The following TARS2 variants were observed in gnomAD, a reference collection of about 807,000 sequenced individuals.
TARS2 encodes threonyl-tRNA synthetase 2, mitochondrial.
A neutral mutation model predicts 94.4 loss-of-function variants in TARS2; 61 were observed. The observed-to-expected ratio is 0.65, with a 90% CI of 0.53 to 0.80. TARS2 has a LOEUF of 0.80. Ranked by LOEUF, TARS2 falls within the 30% of genes least tolerant of loss-of-function variation. The pLI, the probability that TARS2 is intolerant of heterozygous loss-of-function variation, is 0.00. For synonymous variants in TARS2, 359 were observed against 353.4 expected, an observed-to-expected ratio of 1.02 and a Z score of -0.18; for missense variants, 704 against 902.5, an observed-to-expected ratio of 0.78 and a Z score of 2.82.
At chr1:150,498,858 C>A (rs374334164) in intron 11 of TARS2, 39 bp from the exon 12 acceptor site, 2 of 1,613,392 alleles carry the variant, frequency 1.2e-6, no homozygotes, top group Non-Finnish European at 1.7e-6. Context: ...TGATCTCTAG[C>A]GGGCTCACAG....
rs1669988370 is a variant in TARS2, at chr1:150,502,892, G to A, written c.1618-1443G>A. Among the ~76,000 whole-genome samples, 3 of 152,098 alleles carry A rather than the reference G, an allele frequency of 2.0e-5. No homozygotes were observed. The South Asian group carries it at 6.2e-4, about 32-fold the overall frequency. ...CTGATTTATTTCAGCAATAACAGTA[G>A]GCAAATAAAATATCTTTATTACTAA... On this transcript the variant is annotated intron_variant, in intron 13 of 17. Coordinates refer to ENST00000369064, the MANE Select transcript of TARS2 (RefSeq NM_025150.5).
intron 9 of TARS2, among the ~76,000 whole-genome samples, chr1:150,497,219 A>T (rs893608741): frequency 2.6e-5 from 4 of 151,694 alleles, no homozygotes; most frequent in Admixed American, 1.3e-4. Flanking sequence ...CAGGAAGGGG[A>T]GGTTGCAGTG....
intron 6 of TARS2, 47 bp downstream of exon 6, chr1:150,491,709 G>T: frequency 6.3e-7 from 1 of 1,587,100 alleles, no homozygotes; most frequent in Non-Finnish European, 8.7e-7. Flanking sequence ...GGGAAGCATT[G>T]AAGAAGGCCA....
At chr1:150,503,599 GTGTA>G (rs1560257366) in intron 13 of TARS2, among the ~76,000 whole-genome samples, 140 of 133,504 alleles carry the variant, frequency 1.0e-3, no homozygotes, top group African/African-American at 3.5e-3. Flanking sequence ...GTGTGTGTGT[GTGTA>G]TGTGTGTATA....
intron 6 of TARS2, 130 bp downstream of exon 6, chr1:150,491,792 A>ATT: frequency 1.9e-4 from 158 of 812,784 alleles, no homozygotes; most frequent in Non-Finnish European, 2.4e-4. Flanking sequence ...ATGGGAATTG[A>ATT]TTTTTTTTTT....
At chr1:150,499,133 G>T in intron 12 of TARS2, 83 bp from the exon 13 acceptor site, 1 of 1,608,384 alleles carries the variant, frequency 6.2e-7, no homozygotes, top group Non-Finnish European at 8.5e-7. Context: ...TCTGGTGAGT[G>T]GGTCATTTGT....
At chr1:150,506,012 G>A (rs1421683811) in intron 17 of TARS2, among the ~76,000 whole-genome samples, 10 of 152,172 alleles carry the variant, frequency 6.6e-5, no homozygotes, top group Non-Finnish European at 1.3e-4. Context: ...TTAATACAGC[G>A]TTAATTACCC....
intron 7 of TARS2, among the ~76,000 whole-genome samples, chr1:150,492,911 GTC>G (rs1669468348): frequency 6.7e-6 from 1 of 148,616 alleles, no homozygotes; most frequent in Non-Finnish European, 1.5e-5. Flanking sequence ...TTGAGACCAA[GTC>G]TCTCGGTCGC....
intron 11 of TARS2, 43 bp from the exon 12 acceptor site, chr1:150,498,854 C>CT: frequency 6.2e-7 from 1 of 1,613,382 alleles, no homozygotes; most frequent in Admixed American, 1.7e-5. Flanking sequence ...TCCCTGATCT[C>CT]TAGCGGGCTC....
chr1:150,491,251 A>G, intron 4 of TARS2, 143 bp from the exon 5 acceptor site: 1 of 751,146 alleles, frequency 1.3e-6, no homozygotes, highest in Non-Finnish European at 2.2e-6. Flanking sequence ...TCCTATTTAT[A>G]TTTTCTCTGA....
At chr1:150,496,377 G>T in intron 7 of TARS2, 105 bp from the exon 8 acceptor site, 1 of 1,361,462 alleles carries the variant, frequency 7.3e-7, no homozygotes, top group Non-Finnish European at 1.0e-6. Flanking sequence ...TTGTTGTCAA[G>T]AGGCATACCT....
chr1:150,490,589 T>G lies in TARS2; in HGVS notation c.388-12T>G. 1.9e-6 allele frequency: 3 copies of G among 1,610,454 alleles called. No individual in the cohort carries two copies. The highest frequency in any genetic ancestry group is 2.5e-6 in the Non-Finnish European group (3 of 1,178,992). ...GTTTATGAACTTGTGAACCCCTTTT[T>G]TGTGAACCCAGGTGTTCTGGCACTC... On this transcript the variant is annotated splice_polypyrimidine_tract_variant and intron_variant, in intron 3 of 17. Coordinates refer to ENST00000369064, the MANE Select transcript of TARS2 (RefSeq NM_025150.5).
Position 150,506,919 on chromosome 1 carries a change from T to C in TARS2, c.2012T>C (p.Val671Ala). Reference sequence around the variant, plus strand: ...CCCAAACTTCCTCTACCTGCAGTGGTTGGCCAGAAAGAGCAAAGTAAGAGA... The same window carrying C: ...CCCAAACTTCCTCTACCTGCAGTGGCTGGCCAGAAAGAGCAAAGTAAGAGA... The part of the protein sequence containing the change: ...QLAHYNFQFV[V>A]GQKEQSKRTV... The change falls in exon 18 of 18, where the codon GTT becomes GCT. Residue 671 changes from valine (V) to alanine (A), a missense_variant. This residue lies in a region of TARS2 where 466 missense variants were observed against 609.5 expected (regional missense o/e 0.76). Transcript: ENST00000369064. The C allele has an allele frequency of 6.2e-7, 1 of 1,614,018 alleles. No individual in the cohort carries two copies. The highest frequency in any genetic ancestry group is 8.5e-7 in the Non-Finnish European group (1 of 1,179,972).
chr1:150,506,487 CACACACACACACACACACACACACACACA>C (rs1670217412), intron 17 of TARS2, among the ~76,000 whole-genome samples: 1 of 28,282 alleles, frequency 3.5e-5, no homozygotes, highest in African/African-American at 9.8e-5. Context: ...CACGCGCGCG[CACACACACACACACACACACACACACACA>C]GTTTCTCTCT....
Position 150,499,306 on chromosome 1 carries a change from C to T in TARS2, c.1617+13C>T, listed in dbSNP as rs754779024. 1 of 1,613,258 alleles carries T rather than the reference C, an allele frequency of 6.2e-7. No homozygotes were observed. Among genetic ancestry groups the T allele is most frequent in the East Asian group, 2.2e-5 (1 of 44,872 alleles). On this transcript the variant is annotated intron_variant, in intron 13 of 17. Coordinates refer to ENST00000369064, the MANE Select transcript of TARS2 (RefSeq NM_025150.5). ...CTATGGACCTAAGGTAAGCTTGGGA[C>T]CCTGGTTAGTGTTGTATTTATTTAT...
rs766199721 is a variant in TARS2 at position 150,498,638 on chromosome 1, G to A, written c.1375G>A (p.Ala459Thr). The A allele has an allele frequency of 6.8e-6, 11 of 1,612,588 alleles. No homozygotes were observed. Among genetic ancestry groups the A allele is most frequent in the East Asian group, 6.7e-5 (3 of 44,890 alleles). The change falls in exon 11 of 18, where the codon GCT becomes ACT. Residue 459 changes from alanine to threonine, a missense_variant. Ala to Thr is a moderately conservative substitution (Grantham distance 58, BLOSUM62 0). This residue lies in a region of TARS2 where 466 missense variants were observed against 609.5 expected (regional missense o/e 0.76). Transcript: ENST00000369064. ...ACTGCGGTGCTTCCAGCAGGATGAC[G>A]CTCACATCTTCTGTACAACAGATCA... ...TRLRCFQQDD[A>T]HIFCTTDQLE... is the part of the protein sequence containing the mutation.
chr1:150,488,354 A>G (rs1333833937), intron 2 of TARS2: 4 of 264,802 alleles, frequency 1.5e-5, no homozygotes, highest in African/African-American at 4.4e-5. Context: ...TTTTATCTGT[A>G]TTAGTTTCTG....
rs770703314 is a variant in TARS2, at chr1:150,491,399, T to C, written c.518T>C (p.Ile173Thr). 4 of 1,612,702 alleles carry C rather than the reference T, an allele frequency of 2.5e-6. No individual in the cohort carries two copies. Among genetic ancestry groups the C allele is most frequent in the South Asian group, 2.2e-5 (2 of 91,026 alleles). The change falls in exon 5 of 18, where the codon ATC becomes ACC. Residue 173 changes from isoleucine (I) to threonine (T), a missense_variant. By Grantham distance (89) the Ile-to-Thr change is moderately conservative (BLOSUM62 -1). This residue lies in a region of TARS2 where 208 missense variants were observed against 228.5 expected (regional missense o/e 0.91). Transcript: ENST00000369064. ...ACCAATTCTCCTCTTTCCAGGACAA[T>C]CCGGGGCTCAGAGCTGCCTGTTTTG... is the stretch of plus-strand genomic sequence containing the variant. ...HDFFLGKERT[I>T]RGSELPVLER...
intron 13 of TARS2, among the ~76,000 whole-genome samples, chr1:150,500,278 CT>C (rs1243196166): frequency 6.6e-6 from 1 of 152,136 alleles, no homozygotes; most frequent in African/African-American, 2.4e-5. Flanking sequence ...AAAGTAGGGC[CT>C]GAGGGTGGAG....
Sources: gnomAD v4.1 joint callset for allele counts (sites outside exome capture counted in the v4.1 genomes callset) on GRCh38, gnomAD v4.1.1 for gene constraint, gnomAD v4.1.1 regional missense constraint, MANE v1.5 for transcripts, NCBI Gene and HGNC (gene_info 2026-07-23, HGNC 2026-07-21) for gene names.